TVP23B: variants seen among roughly 807,000 people sequenced by gnomAD.
TVP23B encodes the protein Golgi apparatus membrane protein TVP23 homolog B.
A neutral mutation model predicts 30.6 loss-of-function variants in TVP23B; 10 were observed. The observed-to-expected ratio is 0.33, with a 90% CI of 0.20 to 0.55. TVP23B has a LOEUF of 0.55. Ranked by LOEUF, TVP23B falls within the 20% of genes least tolerant of loss-of-function variation. TVP23B has a pLI of 0.91. For missense variants in TVP23B, 153 were observed against 243.2 expected, an observed-to-expected ratio of 0.63 and a Z score of 2.47; for synonymous variants, 67 against 83.1, an observed-to-expected ratio of 0.81 and a Z score of 1.06.
intron 3 of TVP23B, among the ~76,000 whole-genome samples, chr17:18,793,423 T>TG (rs1472646684): frequency 7.3e-6 from 1 of 136,596 alleles, no homozygotes; most frequent in Non-Finnish European, 1.6e-5. Flanking sequence ...CTGGCTAACA[T>TG]GGTGAAACCC....
In TVP23B at chr17:18,801,018, C is replaced by T. The variant is rs375570232; in HGVS notation, c.462+2075C>T. 3.7e-4 allele frequency among the ~76,000 whole-genome samples: 57 copies of T among 152,198 alleles called. 1 individual carries two copies. Among genetic ancestry groups the T allele is most frequent in the South Asian group, 2.1e-3 (10 of 4,814 alleles). ...AGCTTATGTTCTAGTGGAAGGTAGA[C>T]AAACAGTAAAAAATACAACAGGGGA... is the stretch of plus-strand genomic sequence containing the variant. On this transcript the variant is annotated intron_variant, in intron 5 of 6. Transcript: ENST00000307767.
intron 1 of TVP23B, chr17:18,782,303 C>G (rs890063596): frequency 1.3e-5 from 2 of 151,218 alleles, no homozygotes; most frequent in African/African-American, 2.4e-5. Flanking sequence ...GTCAAGAGAT[C>G]GAGACCATCC....
intron 3 of TVP23B, chr17:18,796,792 A>G (rs1304118460): frequency 4.6e-5 from 7 of 152,172 alleles, no homozygotes; most frequent in African/African-American, 1.4e-4. Flanking sequence ...CACTGAATCT[A>G]TTAGTGGACA....
intron 3 of TVP23B, among the ~76,000 whole-genome samples, chr17:18,794,740 A>G (rs1471808943): frequency 6.6e-6 from 1 of 151,758 alleles, no homozygotes; most frequent in Non-Finnish European, 1.5e-5. Context: ...ATACCTATAG[A>G]AGAGACCTCT....
chr17:18,805,107 G>C (rs1156439486), intron 6 of TVP23B, among the ~76,000 whole-genome samples: 1 of 67,468 alleles, frequency 1.5e-5, no homozygotes, highest in African/African-American at 6.0e-5. Context: ...TTTTTTTCTT[G>C]AGACGGAGTC....
chr17:18,783,084 T>G (rs1373909898), intron 1 of TVP23B, among the ~76,000 whole-genome samples: 14 of 105,718 alleles, frequency 1.3e-4, no homozygotes, highest in African/African-American at 4.5e-4. Context: ...ACTATTTATT[T>G]ATTTATTGAT....
chr17:18,792,839 G>A (rs2036017197), intron 3 of TVP23B, among the ~76,000 whole-genome samples: 1 of 152,054 alleles, frequency 6.6e-6, no homozygotes, highest in Non-Finnish European at 1.5e-5. Context: ...AGTGGACTTG[G>A]GATAAGCAGG....
At position 18,781,324 on chromosome 17, in the gene TVP23B, G is replaced by T; in HGVS notation, c.12+19G>T. On this transcript the variant is annotated intron_variant, in intron 1 of 6. Transcript: ENST00000307767. ...GCAGCAGGTGAGGGGCTGAGGGCTCGCTGGGAGGGTGGCGGCTCCTGGGAC... is the reference window on the plus strand; with the variant it reads ...GCAGCAGGTGAGGGGCTGAGGGCTCTCTGGGAGGGTGGCGGCTCCTGGGAC... 1 of 1,577,314 alleles carries T rather than the reference G, an allele frequency of 6.3e-7. No homozygotes were observed. Among genetic ancestry groups the T allele is most frequent in the Non-Finnish European group, 8.6e-7 (1 of 1,162,718 alleles).
intron 3 of TVP23B, among the ~76,000 whole-genome samples, chr17:18,791,946 T>C (rs981674050): frequency 2.6e-5 from 4 of 151,758 alleles, no homozygotes; most frequent in African/African-American, 9.8e-5. Flanking sequence ...AGGCTGATTT[T>C]GGAGTTTCAG....
chr17:18,792,190 C>T (rs1190955795), intron 3 of TVP23B, among the ~76,000 whole-genome samples: 2 of 152,036 alleles, frequency 1.3e-5, no homozygotes, highest in Middle Eastern at 3.4e-3. Flanking sequence ...TGCACCACCA[C>T]GCCTGGCTAA....
At chr17:18,783,967 A>G (rs2151842146) in intron 1 of TVP23B, among the ~76,000 whole-genome samples, 1 of 152,184 alleles carries the variant, frequency 6.6e-6, no homozygotes, top group African/African-American at 2.4e-5. Flanking sequence ...TAACACGGTG[A>G]AACCCCGTCT....
In TVP23B at chr17:18,805,609, G is replaced by A. The variant is rs2036239884; in HGVS notation, c.*42G>A. 6.3e-7 allele frequency: 1 copy of A among 1,592,156 alleles called. No individual in the cohort carries two copies. Among genetic ancestry groups the A allele is most frequent in the East Asian group, 2.2e-5 (1 of 44,662 alleles). ...TGCTTTGTTACATTGGGGAACAACT[G>A]AAGAGATTCTTGACTCAACCTTTTA... On this transcript the variant is annotated 3_prime_UTR_variant, in exon 7 of 7. Transcript: ENST00000307767.
intron 2 of TVP23B, among the ~76,000 whole-genome samples, chr17:18,790,474 A>G (rs2035974351): frequency 7.3e-6 from 1 of 137,614 alleles, no homozygotes; most frequent in African/African-American, 2.7e-5. Context: ...AAAAAAAAAA[A>G]AAAAAGAAAA....
intron 1 of TVP23B, among the ~76,000 whole-genome samples, chr17:18,785,994 T>C (rs968857312): frequency 1.1e-4 from 16 of 152,160 alleles, no homozygotes; most frequent in Non-Finnish European, 1.9e-4. Context: ...GTAGGGGTTC[T>C]GGAGAATCAG....
At chr17:18,795,378 A>AT (rs71155359) in intron 3 of TVP23B, among the ~76,000 whole-genome samples, 15,368 of 151,942 alleles carry the variant, frequency 0.1, 1,006 homozygotes, top group Non-Finnish European at 0.14. Flanking sequence ...TGGAATCACT[A>AT]TTTTTTTACT....
intron 3 of TVP23B, among the ~76,000 whole-genome samples, chr17:18,791,350 T>C (rs1436927139): frequency 1.4e-5 from 2 of 141,204 alleles, no homozygotes; most frequent in Non-Finnish European, 1.5e-5. Context: ...GACCCTACAA[T>C]GTTGCTTCTA....
intron 5 of TVP23B, among the ~76,000 whole-genome samples, chr17:18,803,867 A>C (rs2036206142): frequency 6.6e-6 from 1 of 152,094 alleles, no homozygotes; most frequent in Non-Finnish European, 1.5e-5. Context: ...CCTGCACTGC[A>C]TCCCCAGCAG....
At chr17:18,804,985 C>T (rs1489117831) in intron 6 of TVP23B, among the ~76,000 whole-genome samples, 1 of 150,808 alleles carries the variant, frequency 6.6e-6, no homozygotes, top group Non-Finnish European at 1.5e-5. Context: ...AAGGATTTTA[C>T]TATAATACCC....
In TVP23B at chr17:18,790,920, C is replaced by T; in HGVS notation, c.120C>T (p.His40=). 1 of 1,610,674 alleles carries T rather than the reference C, an allele frequency of 6.2e-7. No homozygotes were observed. Among genetic ancestry groups the T allele is most frequent in the Non-Finnish European group, 8.5e-7 (1 of 1,179,080 alleles). Residue 40 remains histidine (H), a synonymous_variant, in exon 3 of 7, where the codon CAC becomes CAT. Transcript: ENST00000307767. The stretch of plus-strand genomic sequence containing the variant: ...GACATCCAGTAGCATCGTTTTTCCA[C>T]TTATTCTTTCGAGTCAGTGCAATCA... ...KIRHPVASFF[H]LFFRVSAIIV...
Sources: gnomAD v4.1 joint callset for allele counts (sites outside exome capture counted in the v4.1 genomes callset) on GRCh38, gnomAD v4.1.1 for gene constraint, MANE v1.5 for transcripts, NCBI Gene and HGNC (gene_info 2026-07-23, HGNC 2026-07-21) for gene names.